The following TMEM132D variants were observed in gnomAD, a reference collection of about 807,000 sequenced individuals.
TMEM132D encodes mature OL transmembrane protein.
TMEM132D carries 21 observed loss-of-function variants against 62.3 expected under a neutral mutation model. The observed-to-expected ratio is 0.34, with a 90% CI of 0.24 to 0.49. TMEM132D has a LOEUF of 0.49. Among genes scored for constraint, TMEM132D ranks in the 20% least tolerant of loss-of-function variants. The probability of loss-of-function intolerance (pLI) is 0.99; values close to 1 mark genes in which losing one functional copy is unlikely to be tolerated. For synonymous variants in TMEM132D, 621 were observed against 575.6 expected (o/e 1.08, Z -1.13); for missense variants, 1,346 against 1,402.8 (o/e 0.96, Z 0.65).
intron 3 of TMEM132D, among the ~76,000 whole-genome samples, chr12:129,432,364 T>TGGA (rs1166217082): frequency 7.9e-5 from 12 of 152,016 alleles, no homozygotes; most frequent in Non-Finnish European, 1.3e-4. Context: ...GATGGATGGG[T>TGGA]GGATGGATTT....
chr12:129,762,900 G>A (rs1188502833), intron 1 of TMEM132D, among the ~76,000 whole-genome samples: 1 of 152,188 alleles, frequency 6.6e-6, no homozygotes, highest in Non-Finnish European at 1.5e-5. Context: ...CTCTGCAGTT[G>A]TTGTTCTTCC....
At chr12:129,354,480 C>T (rs552769016) in intron 3 of TMEM132D, among the ~76,000 whole-genome samples, 25 of 152,102 alleles carry the variant, frequency 1.6e-4, no homozygotes, top group Non-Finnish European at 2.9e-4. Flanking sequence ...CGAGCCACCA[C>T]GCCCGGTTAA....
chr12:129,118,381 A>G (rs967124844), intron 5 of TMEM132D, among the ~76,000 whole-genome samples: 1 of 152,216 alleles, frequency 6.6e-6, no homozygotes, highest in African/African-American at 2.4e-5. Context: ...GCTCTGCGGT[A>G]CATGGTCTCA....
intron 4 of TMEM132D, among the ~76,000 whole-genome samples, chr12:129,242,407 A>G (rs1879960494): frequency 6.6e-6 from 1 of 152,098 alleles, no homozygotes; most frequent in South Asian, 2.1e-4. Flanking sequence ...TTAAAGTCTG[A>G]TTTTCTTGAT....
intron 3 of TMEM132D, among the ~76,000 whole-genome samples, chr12:129,347,338 A>C (rs1381257270): frequency 6.6e-6 from 1 of 152,234 alleles, no homozygotes; most frequent in Non-Finnish European, 1.5e-5. Context: ...CCAAAACAGC[A>C]TGGTACTGGT....
At chr12:129,496,362 T>C (rs377727712) in intron 3 of TMEM132D, among the ~76,000 whole-genome samples, 19 of 152,208 alleles carry the variant, frequency 1.2e-4, no homozygotes, top group Middle Eastern at 3.4e-3. Flanking sequence ...TAGAGAGCAA[T>C]GGGCAGGATA....
chr12:129,135,769 C>T (rs961933558), intron 5 of TMEM132D, among the ~76,000 whole-genome samples: 4 of 152,086 alleles, frequency 2.6e-5, no homozygotes, highest in Admixed American at 6.6e-5. Context: ...CTTCTGTCTT[C>T]GGGTGGTTTG....
intron 1 of TMEM132D, among the ~76,000 whole-genome samples, chr12:129,707,371 A>AC (rs1881532045): frequency 6.6e-6 from 1 of 151,752 alleles, no homozygotes; most frequent in South Asian, 2.1e-4. Flanking sequence ...TCATACAAAA[A>AC]TTTCCATAAA....
At position 129,072,081 on chromosome 12, in the gene TMEM132D, A is replaced by T. The variant is rs1404517197; in HGVS notation, c.*1794T>A. 1 of 152,210 alleles carries T rather than the reference A, an allele frequency of 6.6e-6. No individual in the cohort carries two copies. Among genetic ancestry groups the T allele is most frequent in the Non-Finnish European group, 1.5e-5 (1 of 68,056 alleles). The allele number at this position is 152,210 out of a possible 1,614,324, so 9.4% of individuals were successfully genotyped here. On this transcript the variant is annotated 3_prime_UTR_variant, in exon 9 of 9. Coordinates refer to ENST00000422113, the MANE Select transcript of TMEM132D (RefSeq NM_133448.3). ...AACTGGTGAAATTTACACACACATG[A>T]TCTAAAGAGAATTCAATTCTATGGA...
intron 5 of TMEM132D, among the ~76,000 whole-genome samples, chr12:129,152,008 G>T (rs1418807868): frequency 6.6e-6 from 1 of 151,670 alleles, no homozygotes; most frequent in Admixed American, 6.6e-5. Context: ...CTCCCAAGTA[G>T]CTGGGACTAC....
At chr12:129,372,615 C>A (rs563882219) in intron 3 of TMEM132D, among the ~76,000 whole-genome samples, 69 of 151,990 alleles carry the variant, frequency 4.5e-4, no homozygotes, top group Non-Finnish European at 8.8e-4. Flanking sequence ...GGAGTGCAAA[C>A]CCTGTTGTTT....
chr12:129,825,575 C>G (rs1368175162), intron 1 of TMEM132D, among the ~76,000 whole-genome samples: 1 of 152,188 alleles, frequency 6.6e-6, no homozygotes, highest in East Asian at 1.9e-4. Context: ...CTGCACTCTC[C>G]CAAGCCCAGT....
At chr12:129,183,003 T>A (rs1309075493) in intron 5 of TMEM132D, among the ~76,000 whole-genome samples, 1 of 152,154 alleles carries the variant, frequency 6.6e-6, no homozygotes, top group African/African-American at 2.4e-5. Flanking sequence ...TCTCTCTCTC[T>A]CTTTGGGGCT....
At chr12:129,815,369 ATAAG>A (rs1872315150) in intron 1 of TMEM132D, among the ~76,000 whole-genome samples, 1 of 152,248 alleles carries the variant, frequency 6.6e-6, no homozygotes, top group South Asian at 2.1e-4. Flanking sequence ...AACATAATAA[ATAAG>A]TAATTCCCTG....
At chr12:129,823,774 C>G (rs1424658869) in intron 1 of TMEM132D, among the ~76,000 whole-genome samples, 2 of 152,174 alleles carry the variant, frequency 1.3e-5, no homozygotes, top group African/African-American at 4.8e-5. Flanking sequence ...CTCCAAACCT[C>G]AGTTTGTTAA....
At chr12:129,514,170 T>C (rs1258166672) in intron 3 of TMEM132D, among the ~76,000 whole-genome samples, 1 of 152,134 alleles carries the variant, frequency 6.6e-6, no homozygotes, top group Admixed American at 6.6e-5. Flanking sequence ...TGAATTTTGA[T>C]GGGTGCAAAC....
At chr12:129,332,297 C>A (rs1186429163) in intron 4 of TMEM132D, among the ~76,000 whole-genome samples, 1 of 151,658 alleles carries the variant, frequency 6.6e-6, no homozygotes, top group Non-Finnish European at 1.5e-5. Flanking sequence ...GATTAAGAAA[C>A]TAAAAAGTTT....
chr12:129,187,361 A>G (rs1485049739), intron 5 of TMEM132D, among the ~76,000 whole-genome samples: 4 of 152,150 alleles, frequency 2.6e-5, no homozygotes, highest in South Asian at 4.1e-4. Context: ...ATACAGGGGG[A>G]GGAGGAGGGA....
intron 5 of TMEM132D, among the ~76,000 whole-genome samples, chr12:129,158,364 A>G (rs1327933705): frequency 6.8e-6 from 1 of 148,140 alleles, no homozygotes; most frequent in Non-Finnish European, 1.5e-5. Context: ...GGAAAACACA[A>G]GTGCATGAGC....
Sources: gnomAD v4.1 joint callset for allele counts (sites outside exome capture counted in the v4.1 genomes callset) on GRCh38, gnomAD v4.1.1 for gene constraint, MANE v1.5 for transcripts, NCBI Gene and HGNC (gene_info 2026-07-23, HGNC 2026-07-21) for gene names.